The following FAAH2 variants were observed in gnomAD, a reference collection of about 807,000 sequenced individuals.
FAAH2 encodes the protein fatty-acid amide hydrolase 2.
In FAAH2, 60 loss-of-function variants were observed where a neutral mutation model predicts 36.9. The observed-to-expected ratio is 1.63, with a 90% CI of 1.32 to 2.02. The LOEUF (loss-of-function observed/expected upper bound fraction) is 2.02. FAAH2 is among the 30% of genes most tolerant of loss of function. The pLI is 0.00. For synonymous variants in FAAH2, 214 were observed against 143.8 expected (o/e 1.49, Z -3.49); for missense variants, 689 against 397.5 (o/e 1.73, Z -6.23).
At chrX:57,205,896 T>C in the FAAH2 span, among the ~76,000 whole-genome samples, 1 of 111,867 alleles carries the variant, frequency 8.9e-6, no homozygotes, top group East Asian at 2.8e-4. Context: ...TTCAGGATCA[T>C]ATCCATGTAA....
intron 4 of FAAH2, among the ~76,000 whole-genome samples, chrX:57,335,829 G>A (rs1170922073): frequency 4.5e-5 from 5 of 111,986 alleles, no homozygotes; most frequent in Non-Finnish European, 7.5e-5. Context: ...GCGGCCTTCT[G>A]CAGTGTATTG....
At chrX:57,239,184 TG>T in the FAAH2 span, among the ~76,000 whole-genome samples, 1 of 111,810 alleles carries the variant, frequency 8.9e-6, no homozygotes, top group Non-Finnish European at 1.9e-5. Context: ...CTTTATATTT[TG>T]GTAGAATTCG....
chrX:57,184,804 G>A, the FAAH2 span, among the ~76,000 whole-genome samples: 1 of 111,800 alleles, frequency 8.9e-6, no homozygotes, highest in African/African-American at 3.2e-5. Context: ...AATCTCCTTT[G>A]GAAAGAGAAA....
chrX:57,445,653 G>A (rs1295373910), intron 8 of FAAH2, among the ~76,000 whole-genome samples: 1 of 111,777 alleles, frequency 8.9e-6, no homozygotes, highest in African/African-American at 3.3e-5. Flanking sequence ...GGGACTTCAG[G>A]AATCTCCTTG....
At chrX:57,332,762 G>T (rs2053443289) in intron 4 of FAAH2, among the ~76,000 whole-genome samples, 1 of 111,867 alleles carries the variant, frequency 8.9e-6, no homozygotes, top group South Asian at 3.7e-4. Flanking sequence ...ATCTTCTCTT[G>T]CTTCTTGCAC....
At chrX:57,391,053 T>C (rs1427949218) in intron 7 of FAAH2, among the ~76,000 whole-genome samples, 1 of 112,022 alleles carries the variant, frequency 8.9e-6, no homozygotes, top group Non-Finnish European at 1.9e-5. Flanking sequence ...GTGGTTTTAA[T>C]TTACATTTCT....
the FAAH2 span, among the ~76,000 whole-genome samples, chrX:57,261,584 TAAG>T: frequency 1.4e-5 from 1 of 72,681 alleles, no homozygotes; most frequent in African/African-American, 5.1e-5. Context: ...AAGAAAAAAA[TAAG>T]AAAAAATCTA....
Position 57,446,960 on chromosome X carries a change from C to T in FAAH2, c.1149C>T (p.Asp383=). The stretch of plus-strand genomic sequence containing the variant: ...TGAAATTTGTAGATTTGCTTGGTGA[C>T]CATGGGAAACATGTCAGTCCTCTGT... ...EPVKFVDLLG[D]HGKHVSPLWE... The change falls in exon 9 of 11, where the codon GAC becomes GAT. Residue 383 remains aspartate (D), a synonymous_variant. Coordinates refer to ENST00000374900, the MANE Select transcript of FAAH2 (RefSeq NM_174912.4). 1 of 1,209,656 alleles carries T rather than the reference C, an allele frequency of 8.3e-7. No homozygotes were observed. The highest frequency in any genetic ancestry group is 1.7e-5 in the African/African-American group (1 of 57,591).
chrX:57,331,219 C>T (rs1215664145), intron 3 of FAAH2, among the ~76,000 whole-genome samples: 1 of 111,637 alleles, frequency 9.0e-6, no homozygotes, highest in African/African-American at 3.3e-5. Context: ...CCTGCTAATC[C>T]AAGTGTCCAT....
At chrX:57,291,692 A>C (rs188482604) in intron 1 of FAAH2, among the ~76,000 whole-genome samples, 2 of 107,254 alleles carry the variant, frequency 1.9e-5, no homozygotes, top group African/African-American at 6.8e-5. Context: ...TTCTCTCCTC[A>C]TTACTTGGGG....
intron 7 of FAAH2, among the ~76,000 whole-genome samples, chrX:57,404,098 T>C (rs2055506377): frequency 8.9e-6 from 1 of 112,234 alleles, no homozygotes; most frequent in Non-Finnish European, 1.9e-5. Context: ...CACAGGTTCC[T>C]GGGTTAAAGA....
intron 3 of FAAH2, among the ~76,000 whole-genome samples, chrX:57,317,756 A>T (rs2052887373): frequency 8.9e-6 from 1 of 112,027 alleles, no homozygotes; most frequent in Non-Finnish European, 1.9e-5. Flanking sequence ...AATTGACCAA[A>T]TATTTGGAAG....
intron 10 of FAAH2, among the ~76,000 whole-genome samples, chrX:57,465,307 G>A (rs187142666): frequency 5.4e-5 from 6 of 111,507 alleles, no homozygotes; most frequent in African/African-American, 1.3e-4. Context: ...TCCAGAACGG[G>A]AGATGAGTAA....
intron 8 of FAAH2, among the ~76,000 whole-genome samples, chrX:57,443,694 T>G (rs1048462869): frequency 1.4e-4 from 16 of 111,908 alleles, no homozygotes; most frequent in African/African-American, 1.9e-4. Context: ...GGTGCTCTGA[T>G]TTTTAGAATT....
At chrX:57,230,109 A>T in the FAAH2 span, among the ~76,000 whole-genome samples, 3 of 111,900 alleles carry the variant, frequency 2.7e-5, no homozygotes, top group East Asian at 2.8e-4. Context: ...TTGTGAATTC[A>T]TGGAGACTCC....
chrX:57,475,782 G>A (rs1434134273), intron 10 of FAAH2, among the ~76,000 whole-genome samples: 2 of 111,878 alleles, frequency 1.8e-5, no homozygotes, highest in Non-Finnish European at 3.8e-5. Flanking sequence ...ATTACTTTGG[G>A]CAATATGGCC....
chrX:57,202,784 A>T, the FAAH2 span, among the ~76,000 whole-genome samples: 100 of 111,797 alleles, frequency 8.9e-4, no homozygotes, highest in African/African-American at 3.2e-3. Flanking sequence ...CAGAGACTAA[A>T]TCTAAAAATT....
intron 5 of FAAH2, among the ~76,000 whole-genome samples, chrX:57,372,229 C>A (rs2147182885): frequency 9.0e-6 from 1 of 111,539 alleles, no homozygotes; most frequent in African/African-American, 3.2e-5. Flanking sequence ...ACCAAACTGC[C>A]TTCCAAAGAA....
chrX:57,271,958 A>T, the FAAH2 span, among the ~76,000 whole-genome samples: 1 of 110,282 alleles, frequency 9.1e-6, no homozygotes, highest in African/African-American at 3.3e-5. Flanking sequence ...AACTCCCCTG[A>T]GCTAAAGGAG....
Sources: allele counts gnomAD v4.1 joint callset (sites outside exome capture counted in the v4.1 genomes callset), GRCh38; gene constraint gnomAD v4.1.1; transcripts MANE v1.5; gene names NCBI Gene and HGNC (gene_info 2026-07-23, HGNC 2026-07-21).